The following CHRM2 variants were observed in gnomAD, a reference collection of about 807,000 sequenced individuals.
CHRM2 encodes cholinergic receptor muscarinic 2.
Under a neutral mutation model 25.0 loss-of-function variants are expected in CHRM2, and 8 were observed. The observed-to-expected ratio is 0.32, with a 90% confidence interval of 0.19 to 0.58. The LOEUF is 0.58. Ranked by LOEUF, CHRM2 falls within the 20% of genes least tolerant of loss-of-function variation. The pLI, the probability that CHRM2 is intolerant of heterozygous loss-of-function variation, is 0.88. For synonymous variants in CHRM2, 202 were observed against 205.7 expected (o/e 0.98, Z 0.15); for missense variants, 440 against 567.1 (o/e 0.78, Z 2.28).
intron 3 of CHRM2, among the ~76,000 whole-genome samples, chr7:137,014,128 T>G (rs1805011443): frequency 6.6e-6 from 1 of 152,074 alleles, no homozygotes; most frequent in Non-Finnish European, 1.5e-5. Context: ...CAGTTCAATA[T>G]GCATTTAATA....
chr7:136,916,131 T>C (rs980934323), intron 2 of CHRM2, among the ~76,000 whole-genome samples: 1 of 119,908 alleles, frequency 8.3e-6, no homozygotes, highest in African/African-American at 2.6e-5. Flanking sequence ...AGGGAGAATA[T>C]TGTTCTAACT....
chr7:136,920,581 C>T (rs999822754), intron 2 of CHRM2, among the ~76,000 whole-genome samples: 1 of 152,102 alleles, frequency 6.6e-6, no homozygotes, highest in Non-Finnish European at 1.5e-5. Context: ...GCCCTACTGC[C>T]TTTTGCCCTT....
At chr7:136,992,906 C>T (rs1294783621) in intron 3 of CHRM2, among the ~76,000 whole-genome samples, 1 of 152,152 alleles carries the variant, frequency 6.6e-6, no homozygotes, top group Non-Finnish European at 1.5e-5. Context: ...TTAGTTTTTA[C>T]TCTCAAGGTT....
chr7:137,000,372 G>GT (rs1235819132), intron 3 of CHRM2, among the ~76,000 whole-genome samples: 2 of 150,518 alleles, frequency 1.3e-5, no homozygotes, highest in South Asian at 2.1e-4. Context: ...CTATTTTTTT[G>GT]TTTTTTTAGT....
chr7:136,897,572 T>A (rs1197167459), intron 2 of CHRM2, among the ~76,000 whole-genome samples: 1 of 152,088 alleles, frequency 6.6e-6, no homozygotes, highest in Non-Finnish European at 1.5e-5. Flanking sequence ...TTTATTAATT[T>A]CCCTGCTTCT....
At chr7:136,915,756 G>T (rs1798068517) in intron 2 of CHRM2, among the ~76,000 whole-genome samples, 1 of 151,718 alleles carries the variant, frequency 6.6e-6, no homozygotes, top group African/African-American at 2.4e-5. Context: ...CACTGCCAAT[G>T]CGCCAACCTC....
At chr7:136,891,758 T>G (rs2130563692) in intron 2 of CHRM2, among the ~76,000 whole-genome samples, 1 of 152,294 alleles carries the variant, frequency 6.6e-6, no homozygotes, top group Non-Finnish European at 1.5e-5. Context: ...CCCTATATTT[T>G]TCCTTTTATA....
At chr7:136,986,717 T>C (rs1802879473) in intron 2 of CHRM2, among the ~76,000 whole-genome samples, 2 of 152,200 alleles carry the variant, frequency 1.3e-5, no homozygotes, top group Admixed American at 1.3e-4. Flanking sequence ...TAATGATTTG[T>C]TCTACCCTGG....
chr7:136,917,127 A>G (rs1364611676), intron 2 of CHRM2, among the ~76,000 whole-genome samples: 1 of 149,914 alleles, frequency 6.7e-6, no homozygotes, highest in Non-Finnish European at 1.5e-5. Context: ...TTTACATACA[A>G]CTCAGTGACA....
intron 2 of CHRM2, among the ~76,000 whole-genome samples, chr7:136,905,108 A>G (rs1797460255): frequency 6.6e-6 from 1 of 151,906 alleles, no homozygotes; most frequent in African/African-American, 2.4e-5. Flanking sequence ...TTAAAATCTG[A>G]AGTGCTAGAT....
chr7:137,017,651 A>C lies in CHRM2; in HGVS notation c.*1385A>C, dbSNP rs543611028. 1 of 152,076 alleles carries C rather than the reference A, an allele frequency of 6.6e-6. No homozygotes were observed. The highest frequency in any genetic ancestry group is 2.1e-4 in the South Asian group (1 of 4,830). 9.4% of individuals were successfully genotyped at this position (152,076 alleles called of 1,614,324 possible). Reference sequence around the variant, plus strand: ...CTCCCTAACATTATTTAACTTCAAAATTCTCTTATCAATAGAATTATAGTA... The same window carrying C: ...CTCCCTAACATTATTTAACTTCAAACTTCTCTTATCAATAGAATTATAGTA... On this transcript the variant is annotated 3_prime_UTR_variant, in exon 4 of 4. Transcript: ENST00000680005.
At chr7:136,968,290 T>C (rs1801540095) in intron 2 of CHRM2, among the ~76,000 whole-genome samples, 1 of 152,034 alleles carries the variant, frequency 6.6e-6, no homozygotes, top group South Asian at 2.1e-4. Context: ...CTCGACATTC[T>C]TAATCAGCAG....
chr7:136,874,325 A>G (rs962314822), intron 2 of CHRM2, among the ~76,000 whole-genome samples: 3 of 152,024 alleles, frequency 2.0e-5, no homozygotes, highest in African/African-American at 7.2e-5. Context: ...TCCACTCTTT[A>G]TATATCTTTG....
At chr7:137,000,221 CAG>C (rs1428778887) in intron 3 of CHRM2, among the ~76,000 whole-genome samples, 8 of 84,540 alleles carry the variant, frequency 9.5e-5, no homozygotes, top group African/African-American at 2.8e-4. Flanking sequence ...TTTTTTCGGA[CAG>C]AGTCTCGCTC....
chr7:136,992,610 C>T lies in CHRM2; in HGVS notation c.-47+346C>T, dbSNP rs188850092. ...CCTGAGTTTTTTAAATTTTCAAAAT[C>T]TTCTGCCCTTAATGATGAATTTCCT... is the stretch of plus-strand genomic sequence containing the variant. On this transcript the variant is annotated intron_variant, in intron 3 of 3. Transcript: ENST00000680005. Among the ~76,000 whole-genome samples the T allele has an allele frequency of 1.5e-4, 23 of 152,236 alleles. 1 individual carries two copies. Among genetic ancestry groups the T allele is most frequent in the Admixed American group, 1.4e-3 (22 of 15,262 alleles).
intron 2 of CHRM2, among the ~76,000 whole-genome samples, chr7:136,969,379 G>A (rs1391446798): frequency 6.6e-6 from 1 of 151,996 alleles, no homozygotes; most frequent in African/African-American, 2.4e-5. Context: ...CTGATTCCCG[G>A]TTATCTTCCT....
intron 2 of CHRM2, among the ~76,000 whole-genome samples, chr7:136,929,794 G>A (rs1170513127): frequency 6.6e-6 from 1 of 152,134 alleles, no homozygotes; most frequent in African/African-American, 2.4e-5. Flanking sequence ...AAAGAAAAAT[G>A]TGCCTATTTA....
chr7:136,959,008 C>T (rs556234332), intron 2 of CHRM2, among the ~76,000 whole-genome samples: 24 of 152,104 alleles, frequency 1.6e-4, no homozygotes, highest in Non-Finnish European at 2.4e-4. Context: ...TTAGAGATGT[C>T]TGAAAAGATG....
intron 2 of CHRM2, chr7:136,871,724 AACAATTG>A (rs1185906722): frequency 1.3e-5 from 2 of 152,230 alleles, no homozygotes; most frequent in African/African-American, 4.8e-5. Flanking sequence ...CAGGAGTAAG[AACAATTG>A]ACTTGGCCAA....
Sources: allele counts gnomAD v4.1 joint callset (sites outside exome capture counted in the v4.1 genomes callset), GRCh38; gene constraint gnomAD v4.1.1; transcripts MANE v1.5; gene names NCBI Gene and HGNC (gene_info 2026-07-23, HGNC 2026-07-21).